Variants in OOEP observed in about 807,000 individuals in gnomAD.
The protein encoded by OOEP is oocyte-expressed protein homolog.
OOEP carries 16 observed loss-of-function variants against 13.7 expected under a neutral mutation model. The ratio of observed to expected loss-of-function variants is 1.16; its 90% CI spans 0.79 to 1.77. OOEP has a LOEUF of 1.77. Ranked by LOEUF, OOEP falls within the 40% of genes most tolerant of loss-of-function variation. The pLI is 0.00. For missense variants in OOEP, 195 were observed against 193.1 expected (o/e 1.01, Z -0.06); for synonymous variants, 89 against 77.1 (o/e 1.15, Z -0.81).
Position 73,382,123 on chromosome 6 carries a change from C to T in OOEP, c.25+12223G>A, listed in dbSNP as rs572369838. On this transcript the variant is annotated intron_variant, in intron 2 of 3. Coordinates refer to the OOEP transcript ENST00000370363. ...AGTGCAGTGGTGTGATCATGGCTCA[C>T]TGCAGCCTTAACCTCCCAGGCTCAA... 2.6e-5 allele frequency among the ~76,000 whole-genome samples: 4 copies of T among 152,112 alleles called. No individual in the cohort carries two copies. In the East Asian group the frequency reaches 7.7e-4, roughly 29 times the overall value.
exon 1 of OOEP, chr6:73,394,894 C>T: frequency 6.2e-7 from 1 of 1,613,574 alleles, no homozygotes; most frequent in Non-Finnish European, 8.5e-7. Context: ...GGACGCGCCC[C>T]TTCTTGGAAC....
At chr6:73,384,730 C>A (rs1582628741) in intron 2 of OOEP, among the ~76,000 whole-genome samples, 2 of 150,590 alleles carry the variant, frequency 1.3e-5, no homozygotes, top group South Asian at 4.2e-4. Context: ...GGCAACAAGA[C>A]AAACAAACCT....
chr6:73,369,269 G>A lies in OOEP; in HGVS notation c.307C>T (p.Gln103Ter). The A allele has an allele frequency of 1.2e-6, 2 of 1,613,920 alleles. No homozygotes were observed. The highest frequency in any genetic ancestry group is 1.7e-6 in the Non-Finnish European group (2 of 1,179,874). The change falls in exon 2 of 3, where the codon CAG becomes TAG. Residue 103 changes from glutamine to a stop codon, truncating the protein, a stop_gained. Coordinates refer to ENST00000370359, the MANE Select transcript of OOEP (RefSeq NM_001080507.3). LOFTEE classifies it high-confidence loss of function. ...AGGAGCATGCTCTTCACCCGATTCT[G>A]TACACGGGGCCGCCCGAAAACGGTG... ...EITVFGRPRV[Q>*]NRVKSMLLCL...
intron 2 of OOEP, among the ~76,000 whole-genome samples, chr6:73,381,866 A>G (rs1769213797): frequency 6.6e-6 from 1 of 152,080 alleles, no homozygotes; most frequent in African/African-American, 2.4e-5. Context: ...CTGTAAACCC[A>G]GCTACTTGGG....
At chr6:73,370,278 CTGT>C (rs979940228), upstream of OOEP, among the ~76,000 whole-genome samples, 1 of 152,148 alleles carries the variant, frequency 6.6e-6, no homozygotes, top group Non-Finnish European at 1.5e-5. Context: ...GTTCTGCTCC[CTGT>C]TGTTATCTTC....
intron 1 of OOEP, chr6:73,394,571 A>C (rs1769417126): frequency 2.3e-6 from 1 of 429,694 alleles, no homozygotes; most frequent in Admixed American, 4.5e-5. Flanking sequence ...GAGGGAGCAA[A>C]TTGGGCGTTT....
At chr6:73,377,122 T>C (rs561662385) in intron 2 of OOEP, among the ~76,000 whole-genome samples, 1 of 152,336 alleles carries the variant, frequency 6.6e-6, no homozygotes, top group East Asian at 1.9e-4. Context: ...TAGACATATG[T>C]GGTCTTATTA....
intron 2 of OOEP, among the ~76,000 whole-genome samples, chr6:73,385,190 C>T (rs981299799): frequency 1.2e-4 from 18 of 151,118 alleles, no homozygotes; most frequent in Non-Finnish European, 1.9e-4. Flanking sequence ...ACTAAAAATA[C>T]AAAAAAATTA....
intron 2 of OOEP, among the ~76,000 whole-genome samples, chr6:73,378,086 T>TTCTTCC (rs1467803571): frequency 6.9e-6 from 1 of 145,468 alleles, no homozygotes; most frequent in Non-Finnish European, 1.5e-5. Context: ...TTGTTACAAA[T>TTCTTCC]TCTTCTTCTT....
intron 2 of OOEP, among the ~76,000 whole-genome samples, chr6:73,385,247 C>T (rs1051988221): frequency 1.4e-4 from 21 of 151,384 alleles, no homozygotes; most frequent in East Asian, 4.0e-4. Flanking sequence ...CTTGGGAGGC[C>T]GAGGCAGGAA....
intron 2 of OOEP, among the ~76,000 whole-genome samples, chr6:73,392,619 CTTTTTTTTTTTTTT>C (rs70994198): frequency 2.3e-5 from 1 of 43,992 alleles, no homozygotes; most frequent in Non-Finnish European, 3.7e-5. Flanking sequence ...CCTAGGTAAT[CTTTTTTTTTTTTTT>C]TTTTTTTTTT....
chr6:73,389,274 G>A (rs1157148177), intron 2 of OOEP, among the ~76,000 whole-genome samples: 3 of 152,164 alleles, frequency 2.0e-5, no homozygotes, highest in African/African-American at 7.2e-5. Flanking sequence ...TACCCCAGGA[G>A]CAGAAGTCCC....
At chr6:73,380,657 C>T (rs1386511646) in intron 2 of OOEP, among the ~76,000 whole-genome samples, 4 of 152,166 alleles carry the variant, frequency 2.6e-5, no homozygotes, top group Non-Finnish European at 4.4e-5. Context: ...TTTTCTTGAG[C>T]GTCACACTTA....
upstream of OOEP, among the ~76,000 whole-genome samples, chr6:73,371,470 C>T: frequency 6.6e-6 from 1 of 151,768 alleles, no homozygotes; most frequent in East Asian, 1.9e-4. Flanking sequence ...GGGTGTGGGC[C>T]AGACACGGTC....
chr6:73,392,101 G>C (rs1769354701), intron 2 of OOEP, among the ~76,000 whole-genome samples: 1 of 152,126 alleles, frequency 6.6e-6, no homozygotes, highest in African/African-American at 2.4e-5. Context: ...TATGAGGCCA[G>C]CATTACCCTA....
chr6:73,371,832 G>A (rs1470863197), upstream of OOEP, among the ~76,000 whole-genome samples: 1 of 152,170 alleles, frequency 6.6e-6, no homozygotes, highest in Non-Finnish European at 1.5e-5. Context: ...AAAGGATGAG[G>A]CAGGAGAATT....
intron 2 of OOEP, among the ~76,000 whole-genome samples, chr6:73,378,887 A>T (rs1769166618): frequency 6.6e-6 from 1 of 151,812 alleles, no homozygotes; most frequent in Non-Finnish European, 1.5e-5. Context: ...AAAAAAAATT[A>T]TTGATTACCC....
At chr6:73,394,142 A>G (rs1769400827) in intron 2 of OOEP, among the ~76,000 whole-genome samples, 1 of 152,074 alleles carries the variant, frequency 6.6e-6, no homozygotes, top group African/African-American at 2.4e-5. Context: ...GGAGTTCAAG[A>G]CCAGCCTTGG....
Position 73,394,761 on chromosome 6 carries a change from G to C in OOEP, c.-161C>G, listed in dbSNP as rs1769422680. 21 of 1,191,140 alleles carry C rather than the reference G, an allele frequency of 1.8e-5. 1 individual carries two copies. In the South Asian group the frequency reaches 2.9e-4, roughly 17 times the overall value. The allele number at this position is 1,191,140 out of a possible 1,614,324, so 73.8% of individuals were successfully genotyped here. ...AAATCAGTGCGAAGTGGGCGGGATA[G>C]AGAGCGTGGGCGGGGGGGCTAGCCT... On this transcript the variant is annotated 5_prime_UTR_variant, in exon 1 of 4. Transcript: ENST00000370363.
Sources: allele counts gnomAD v4.1 joint callset (sites outside exome capture counted in the v4.1 genomes callset), GRCh38; gene constraint gnomAD v4.1.1; transcripts MANE v1.5; gene names NCBI Gene and HGNC (gene_info 2026-07-23, HGNC 2026-07-21).